Variants in ZNF578 observed in about 807,000 individuals in gnomAD.
The protein encoded by ZNF578 is Putative chemokine-related protein B42.
ZNF578 carries 8 observed loss-of-function variants against 8.3 expected under a neutral mutation model. The ratio of observed to expected loss-of-function variants is 0.96; its 90% CI spans 0.56 to 1.74. ZNF578 has a LOEUF of 1.74. Among genes scored for constraint, ZNF578 ranks in the 40% most tolerant of loss-of-function variants. The probability of loss-of-function intolerance (pLI) is 0.00; values close to 1 mark genes in which losing one functional copy is unlikely to be tolerated. For missense variants in ZNF578, 726 were observed against 707.5 expected (o/e 1.03, Z -0.30); for synonymous variants, 206 against 232.2 (o/e 0.89, Z 1.03).
rs565181656 is a variant in ZNF578 at position 52,495,273 on chromosome 19, T to C, written c.-20+3848T>C. 2.8e-5 allele frequency among the ~76,000 whole-genome samples: 4 copies of C among 143,704 alleles called. 1 individual carries two copies. The Admixed American group carries it at 2.9e-4, about 10-fold the overall frequency. The allele number at this position is 143,704 out of a possible 152,430, so 94.3% of individuals were successfully genotyped here. On this transcript the variant is annotated intron_variant, in intron 3 of 5. Transcript: ENST00000421239. ...TGTGCCTTTAGAGTTGAAGCGATTC[T>C]CCTGCGATACTACCCCCTGAGTAGC...
At chr19:52,458,483 T>TATATATATATATATATATA (rs1555751157) in intron 2 of ZNF578, 8 of 144,844 alleles carry the variant, frequency 5.5e-5, no homozygotes, top group Admixed American at 1.4e-4. Context: ...TATATATATA[T>TATATATATATATATATATA]TTTGAAAATC....
At chr19:52,463,005 T>C (rs2059263536) in intron 2 of ZNF578, among the ~76,000 whole-genome samples, 2 of 152,178 alleles carry the variant, frequency 1.3e-5, no homozygotes, top group Non-Finnish European at 2.9e-5. Flanking sequence ...TCCTGGGAGA[T>C]GTTCAAAAAA....
At chr19:52,459,146 C>T (rs2059248349) in intron 2 of ZNF578, among the ~76,000 whole-genome samples, 1 of 152,128 alleles carries the variant, frequency 6.6e-6, no homozygotes, top group Non-Finnish European at 1.5e-5. Context: ...GTTTATTTGC[C>T]TGTTTATAGT....
intron 2 of ZNF578, among the ~76,000 whole-genome samples, chr19:52,463,565 T>TGAGTTAC (rs58542468): frequency 6.6e-6 from 1 of 151,852 alleles, no homozygotes; most frequent in East Asian, 1.9e-4. Flanking sequence ...ACATGAGTTA[T>TGAGTTAC]ATAGAAAAGA....
chr19:52,473,661 C>T (rs925684171), intron 2 of ZNF578: 1 of 209,422 alleles, frequency 4.8e-6, no homozygotes, highest in African/African-American at 2.3e-5. Context: ...TGTCTCTCTC[C>T]AGTATGAATT....
rs930716513 is a variant in ZNF578 at position 52,512,805 on chromosome 19, T to C, written c.*651T>C. ...GCAAACCATCAAGCATTAATTGACA[T>C]TGGAGTCAATTCAGCATTGACTTGA... On this transcript the variant is annotated 3_prime_UTR_variant, in exon 6 of 6. Coordinates refer to ENST00000421239, the MANE Select transcript of ZNF578 (RefSeq NM_001099694.2). Among the ~76,000 whole-genome samples, 43 of 152,182 alleles carry C rather than the reference T, an allele frequency of 2.8e-4. No individual in the cohort carries two copies. Among genetic ancestry groups the C allele is most frequent in the African/African-American group, 1.0e-3 (43 of 41,442 alleles).
rs1340981354 is a variant in ZNF578, at chr19:52,513,973, C to T, written c.*1819C>T. Among the ~76,000 whole-genome samples the T allele has an allele frequency of 2.0e-5, 3 of 152,058 alleles. No homozygotes were observed. The highest frequency in any genetic ancestry group is 2.9e-5 in the Non-Finnish European group (2 of 68,024). The stretch of plus-strand genomic sequence containing the variant: ...CTGGGAGGTAGAGGTTACAGCGAAT[C>T]AAAACCGTGCCACTGTACTGCAGCG... On this transcript the variant is annotated 3_prime_UTR_variant, in exon 6 of 6. Transcript: ENST00000421239.
At chr19:52,475,548 G>A (rs555404692) in intron 2 of ZNF578, among the ~76,000 whole-genome samples, 10 of 151,834 alleles carry the variant, frequency 6.6e-5, no homozygotes, top group East Asian at 1.9e-4. Flanking sequence ...TAGTAGAGAC[G>A]GGGTTTCACC....
In ZNF578 at chr19:52,510,678, A is replaced by T; in HGVS notation, c.297A>T (p.Gly99=). The T allele has an allele frequency of 6.2e-7, 1 of 1,613,622 alleles. No individual in the cohort carries two copies. The highest frequency in any genetic ancestry group is 8.5e-7 in the Non-Finnish European group (1 of 1,179,800). ...AAAGACATGAAAGTTATCACACTGG[A>T]GATTTTTGCTTCCAGGAAATTGAAA... ...MLQRHESYHT[G]DFCFQEIEKD... is the part of the protein sequence containing the mutation. The change falls in exon 6 of 6, where the codon GGA becomes GGT. Residue 99 remains glycine (G), a synonymous_variant. Coordinates refer to ENST00000421239, the MANE Select transcript of ZNF578 (RefSeq NM_001099694.2).
chr19:52,496,680 C>G (rs887506035), intron 3 of ZNF578, among the ~76,000 whole-genome samples: 2 of 151,382 alleles, frequency 1.3e-5, no homozygotes, highest in African/African-American at 4.9e-5. Context: ...GCTCTGTCAC[C>G]CAGGCTGGAG....
chr19:52,464,943 G>C (rs988892042), intron 2 of ZNF578, among the ~76,000 whole-genome samples: 4 of 152,136 alleles, frequency 2.6e-5, no homozygotes, highest in African/African-American at 4.8e-5. Flanking sequence ...ATCATGGTGG[G>C]GGATGGGAGC....
Position 52,483,210 on chromosome 19 carries a change from G to T in ZNF578, c.-121-8114G>T, listed in dbSNP as rs1251908923. Among the ~76,000 whole-genome samples, 3 of 152,050 alleles carry T rather than the reference G, an allele frequency of 2.0e-5. No homozygotes were observed. In the East Asian group the frequency reaches 5.8e-4, roughly 29 times the overall value. On this transcript the variant is annotated intron_variant, in intron 2 of 5. Transcript: ENST00000421239. ...GCAGGCAAATCACCTGAAGTTGGTG[G>T]TTCGAGACCAGCCTGACCAACATGG...
intron 2 of ZNF578, among the ~76,000 whole-genome samples, chr19:52,469,553 G>T (rs11667947): frequency 0.12 from 18,688 of 152,042 alleles, 1,557 homozygotes; most frequent in East Asian, 0.24. Flanking sequence ...AAATGCTAAG[G>T]TCTCTACTTC....
chr19:52,499,118 G>C (rs1384800854), intron 3 of ZNF578, among the ~76,000 whole-genome samples: 1 of 152,196 alleles, frequency 6.6e-6, no homozygotes, highest in East Asian at 1.9e-4. Flanking sequence ...GTCTCCCGCT[G>C]TGAGCCTTAG....
rs889617931 is a variant in ZNF578, at chr19:52,515,921, C to A, written c.*3767C>A. Among the ~76,000 whole-genome samples the A allele has an allele frequency of 6.6e-6, 1 of 152,102 alleles. No individual in the cohort carries two copies. The highest frequency in any genetic ancestry group is 1.5e-5 in the Non-Finnish European group (1 of 68,034). ...TAAAGCAGGTCACGTCAATCCCTGG[C>A]AGGGAACCCTCCACCGGCTTCCCGT... On this transcript the variant is annotated 3_prime_UTR_variant, in exon 6 of 6. Transcript: ENST00000421239.
Position 52,465,558 on chromosome 19 carries a change from T to C in ZNF578, c.-122+8600T>C, listed in dbSNP as rs560447279. 1.1e-3 allele frequency among the ~76,000 whole-genome samples: 168 copies of C among 152,270 alleles called. 2 individuals are homozygous for C. Among genetic ancestry groups the C allele is most frequent in the Admixed American group, 0.01 (158 of 15,294 alleles). On this transcript the variant is annotated intron_variant, in intron 2 of 5. Coordinates refer to ENST00000421239, the MANE Select transcript of ZNF578 (RefSeq NM_001099694.2). ...AACTGACCAAACAGGAAAAGGAATT[T>C]CCTTTCCTTCTCCCTTTGTTCTTTT...
intron 2 of ZNF578, among the ~76,000 whole-genome samples, chr19:52,467,297 G>C (rs981244354): frequency 2.6e-5 from 4 of 152,108 alleles, no homozygotes; most frequent in African/African-American, 9.7e-5. Context: ...TTACAGGCAT[G>C]AACCACCACA....
Position 52,513,468 on chromosome 19 carries a change from C to T in ZNF578, c.*1314C>T, listed in dbSNP as rs141352609. Among the ~76,000 whole-genome samples the T allele has an allele frequency of 6.6e-6, 1 of 150,548 alleles. No homozygotes were observed. Among genetic ancestry groups the T allele is most frequent in the Admixed American group, 6.7e-5 (1 of 14,956 alleles). ...ATATCAGGCTGGGTGTGGCAGCTCA[C>T]GCCGGTAATCCCAGCACTTTGGGAG... is the stretch of plus-strand genomic sequence containing the variant. On this transcript the variant is annotated 3_prime_UTR_variant, in exon 6 of 6. Coordinates refer to ENST00000421239, the MANE Select transcript of ZNF578 (RefSeq NM_001099694.2).
In ZNF578 at chr19:52,511,699, T is replaced by C; in HGVS notation, c.1318T>C (p.Ser440Pro). The C allele has an allele frequency of 6.2e-7, 1 of 1,613,772 alleles. No homozygotes were observed. The highest frequency in any genetic ancestry group is 8.5e-7 in the Non-Finnish European group (1 of 1,179,926). Residue 440 changes from serine to proline, a missense_variant, in exon 6 of 6, where the codon TCA (serine) becomes CCA (proline). Physicochemically the swap from Ser to Pro is moderately conservative, Grantham distance 74. Coordinates refer to ENST00000421239, the MANE Select transcript of ZNF578 (RefSeq NM_001099694.2). ...NDCGKAFIHQ[S>P]SLARHHRLHT... is the part of the protein sequence containing the mutation. ...CTGTGGTAAGGCTTTTATTCATCAG[T>C]CAAGCCTTGCACGTCATCATAGACT... is the stretch of plus-strand genomic sequence containing the variant.
Sources: allele counts gnomAD v4.1 joint callset (sites outside exome capture counted in the v4.1 genomes callset), GRCh38; gene constraint gnomAD v4.1.1; transcripts MANE v1.5; gene names NCBI Gene and HGNC (gene_info 2026-07-23, HGNC 2026-07-21).